The following RALYL variants were observed in gnomAD, a reference collection of about 807,000 sequenced individuals.
The protein encoded by RALYL is RALY RNA binding protein like.
Under a neutral mutation model 35.1 loss-of-function variants are expected in RALYL, and 29 were observed. That is an observed-to-expected ratio of 0.83 (90% confidence interval 0.61 to 1.13). The LOEUF (loss-of-function observed/expected upper bound fraction) is 1.13. Ranked by LOEUF, RALYL falls within the 50% of genes most tolerant of loss-of-function variation. The probability of loss-of-function intolerance (pLI) is 0.00; values close to 1 mark genes in which losing one functional copy is unlikely to be tolerated. For synonymous variants in RALYL, 120 were observed against 127.6 expected (o/e 0.94, Z 0.40); for missense variants, 359 against 360.4 (o/e 1.00, Z 0.03).
chr8:84,184,636 A>T (rs1348417377), intron 1 of RALYL, among the ~76,000 whole-genome samples: 1 of 152,112 alleles, frequency 6.6e-6, no homozygotes, highest in Non-Finnish European at 1.5e-5. Flanking sequence ...AGATGTGCGC[A>T]AAATACAGTC....
intron 2 of RALYL, among the ~76,000 whole-genome samples, chr8:84,673,845 T>G (rs932007498): frequency 6.6e-6 from 1 of 152,200 alleles, no homozygotes; most frequent in Non-Finnish European, 1.5e-5. Flanking sequence ...TGTTTAGGAT[T>G]GACTTGACAA....
chr8:84,788,667 A>T (rs536049507), intron 3 of RALYL, among the ~76,000 whole-genome samples: 2 of 152,252 alleles, frequency 1.3e-5, no homozygotes, highest in South Asian at 4.1e-4. Context: ...TTAGTCTCAC[A>T]GTTCAGCGCA....
intron 2 of RALYL, among the ~76,000 whole-genome samples, chr8:84,724,628 T>C (rs919310903): frequency 6.6e-6 from 1 of 151,770 alleles, no homozygotes; most frequent in Non-Finnish European, 1.5e-5. Flanking sequence ...CTCTGTTATT[T>C]TCCAAGTCAT....
At chr8:84,670,544 T>C (rs1457535680) in intron 2 of RALYL, among the ~76,000 whole-genome samples, 2 of 152,246 alleles carry the variant, frequency 1.3e-5, no homozygotes, top group African/African-American at 4.8e-5. Flanking sequence ...AGAGGTTTAA[T>C]GGACTCATAT....
chr8:84,557,634 T>A (rs2061218608), intron 2 of RALYL, among the ~76,000 whole-genome samples: 1 of 152,246 alleles, frequency 6.6e-6, no homozygotes, highest in Non-Finnish European at 1.5e-5. Flanking sequence ...ATAGCCACCT[T>A]TTAATTGTGT....
At chr8:84,304,216 C>T (rs535566982) in intron 1 of RALYL, among the ~76,000 whole-genome samples, 55 of 152,228 alleles carry the variant, frequency 3.6e-4, no homozygotes, top group African/African-American at 1.3e-3. Flanking sequence ...CTCCCGGGTT[C>T]ACGCCATTGT....
chr8:84,446,743 G>C (rs981494288), intron 1 of RALYL, among the ~76,000 whole-genome samples: 5 of 152,044 alleles, frequency 3.3e-5, no homozygotes, highest in African/African-American at 7.2e-5. Flanking sequence ...AGAGAGGGCT[G>C]TCCAAGGTGA....
intron 1 of RALYL, among the ~76,000 whole-genome samples, chr8:84,252,479 T>C (rs1017096010): frequency 6.6e-5 from 10 of 152,148 alleles, no homozygotes; most frequent in Admixed American, 6.6e-4. Context: ...TAATGTAAGA[T>C]CATAGGTAAA....
At chr8:84,370,643 G>A (rs1855498243) in intron 1 of RALYL, among the ~76,000 whole-genome samples, 1 of 152,028 alleles carries the variant, frequency 6.6e-6, no homozygotes, top group Admixed American at 6.6e-5. Flanking sequence ...GCAAGTGAAT[G>A]GCAATGTAAA....
intron 1 of RALYL, among the ~76,000 whole-genome samples, chr8:84,398,119 T>A (rs1193520213): frequency 6.6e-6 from 1 of 152,230 alleles, no homozygotes; most frequent in Non-Finnish European, 1.5e-5. Context: ...GGAAGACATT[T>A]GCTGTTAATG....
intron 1 of RALYL, among the ~76,000 whole-genome samples, chr8:84,253,696 GT>G (rs1830676960): frequency 6.6e-6 from 1 of 152,052 alleles, no homozygotes; most frequent in African/African-American, 2.4e-5. Flanking sequence ...TTTGGATCTT[GT>G]TTTTGCATAG....
At chr8:84,833,524 G>C (rs1218163728) in intron 4 of RALYL, among the ~76,000 whole-genome samples, 1 of 151,742 alleles carries the variant, frequency 6.6e-6, no homozygotes, top group Non-Finnish European at 1.5e-5. Context: ...TGTAGTCCCA[G>C]CTACTCGGGA....
rs73691019 is a variant in RALYL, at chr8:84,661,616, T to G, written c.257-112963T>G. ...TAGTTTTTTTTTTTCGTGCTACATT[T>G]TATTTTATTTATTTTATTTATTTTT... On this transcript the variant is annotated intron_variant, in intron 2 of 8. Transcript: ENST00000521268. Among the ~76,000 whole-genome samples, 556 of 125,496 alleles carry G rather than the reference T, an allele frequency of 4.4e-3. 5 individuals are homozygous for G. Among genetic ancestry groups the G allele is most frequent in the African/African-American group, 0.02 (534 of 26,134 alleles). The allele number at this position is 125,496 out of a possible 152,430, so 82.3% of individuals were successfully genotyped here. A position where few individuals can be genotyped will look rare whatever the true frequency, so the allele number is the denominator to read the frequency against.
At chr8:84,470,133 G>A (rs973096899) in intron 1 of RALYL, among the ~76,000 whole-genome samples, 1 of 152,180 alleles carries the variant, frequency 6.6e-6, no homozygotes, top group Non-Finnish European at 1.5e-5. Context: ...GTAGACAGGA[G>A]CTGTTCCTAT....
chr8:84,675,259 T>C (rs570462295), intron 2 of RALYL, among the ~76,000 whole-genome samples: 2 of 152,296 alleles, frequency 1.3e-5, no homozygotes, highest in Admixed American at 1.3e-4. Context: ...TAAATTACAA[T>C]GTAACTTTGG....
intron 8 of RALYL, among the ~76,000 whole-genome samples, chr8:84,894,370 G>C (rs1844383080): frequency 6.6e-6 from 1 of 152,166 alleles, no homozygotes; most frequent in South Asian, 2.1e-4. Context: ...TAAATTACAA[G>C]GAAGAAAGTA....
chr8:84,528,248 G>T (rs1410850661), intron 1 of RALYL, among the ~76,000 whole-genome samples: 2 of 151,998 alleles, frequency 1.3e-5, no homozygotes, highest in Admixed American at 1.3e-4. Context: ...TTACCTTGTT[G>T]AAATTTTAGT....
chr8:84,806,744 A>G (rs1200714960), intron 4 of RALYL, among the ~76,000 whole-genome samples: 3 of 152,176 alleles, frequency 2.0e-5, no homozygotes, highest in African/African-American at 7.2e-5. Context: ...CAAGAAAATT[A>G]TTTTAAATAA....
At chr8:84,636,575 T>C (rs1289070802) in intron 2 of RALYL, among the ~76,000 whole-genome samples, 1 of 151,852 alleles carries the variant, frequency 6.6e-6, no homozygotes, top group East Asian at 1.9e-4. Context: ...CTGGACAGCC[T>C]ATAATATACT....
Sources: allele counts gnomAD v4.1 joint callset (sites outside exome capture counted in the v4.1 genomes callset), GRCh38; gene constraint gnomAD v4.1.1; transcripts MANE v1.5; gene names NCBI Gene and HGNC (gene_info 2026-07-23, HGNC 2026-07-21).